Variants in CYP27C1 observed in about 807,000 individuals in gnomAD.
CYP27C1 encodes the protein cytochrome P450 family 27 subfamily C member 1.
CYP27C1 carries 29 observed loss-of-function variants against 40.6 expected under a neutral mutation model. The observed-to-expected ratio is 0.71, with a 90% CI of 0.53 to 0.97. The LOEUF is 0.97. Ranked by LOEUF, CYP27C1 falls within the 50% of genes least tolerant of loss-of-function variation. The probability of loss-of-function intolerance (pLI) is 0.00; values close to 1 mark genes in which losing one functional copy is unlikely to be tolerated. For missense variants in CYP27C1, 390 were observed against 485.8 expected (o/e 0.80, Z 1.85); for synonymous variants, 198 against 186.8 (o/e 1.06, Z -0.49).
chr2:127,204,025 G>A (rs1443664112), intron 2 of CYP27C1, among the ~76,000 whole-genome samples: 3 of 151,846 alleles, frequency 2.0e-5, no homozygotes, highest in Non-Finnish European at 4.4e-5. Flanking sequence ...AGCACTTTAG[G>A]AGGCCAAGAT....
intron 4 of CYP27C1, 133 bp from the exon 5 acceptor site, chr2:127,199,672 T>C: frequency 2.4e-6 from 2 of 841,206 alleles, no homozygotes; most frequent in Non-Finnish European, 3.5e-6. Context: ...ACCCAATTTA[T>C]CTAACGTCAA....
At chr2:127,204,822 C>T (rs796731720) in intron 2 of CYP27C1, among the ~76,000 whole-genome samples, 88 of 152,242 alleles carry the variant, frequency 5.8e-4, no homozygotes, top group African/African-American at 2.0e-3. Context: ...CTCAGAGGGT[C>T]GTGGCAGGAC....
Position 127,204,473 on chromosome 2 carries a change from A to G in CYP27C1, c.474-902T>C, listed in dbSNP as rs907255489. ...GAAAGAAAGAAAGAAAGAAAGAAAGAAAGAAAGAAAGAAAGGAAGGAAGGA... is the reference window on the plus strand; with the variant it reads ...GAAAGAAAGAAAGAAAGAAAGAAAGGAAGAAAGAAAGAAAGGAAGGAAGGA... On this transcript the variant is annotated intron_variant, in intron 2 of 8. Transcript: ENST00000664447. 1.5e-3 allele frequency among the ~76,000 whole-genome samples: 82 copies of G among 56,062 alleles called. 6 individuals are homozygous for G. The highest frequency in any genetic ancestry group is 7.2e-3 in the East Asian group (8 of 1,114). The allele number at this position is 56,062 out of a possible 152,430, so 36.8% of individuals were successfully genotyped here.
intron 3 of CYP27C1, among the ~76,000 whole-genome samples, chr2:127,203,159 C>T (rs1683080977): frequency 6.8e-6 from 1 of 146,680 alleles, no homozygotes; most frequent in Non-Finnish European, 1.5e-5. Context: ...CAGAGCAAGA[C>T]TTCATCTCAG....
In CYP27C1 at chr2:127,210,617, T is replaced by C. The variant is rs554631732; in HGVS notation, c.283-4527A>G. 6.0e-5 allele frequency among the ~76,000 whole-genome samples: 9 copies of C among 151,182 alleles called. 1 individual carries two copies. The South Asian group carries it at 1.0e-3, about 17-fold the overall frequency. ...CAGCGTGCTGTATTCAGGAGGCCTA[T>C]CTTAAAGGCAAAGACACACAGAGGC... On this transcript the variant is annotated intron_variant, in intron 1 of 8. Coordinates refer to ENST00000664447, the MANE Select transcript of CYP27C1 (RefSeq NM_001367502.1).
Position 127,188,409 on chromosome 2 carries a change from T to A in CYP27C1, c.1498-1022A>T, listed in dbSNP as rs191140232. 5.3e-5 allele frequency among the ~76,000 whole-genome samples: 8 copies of A among 152,292 alleles called. 1 individual carries two copies. Among genetic ancestry groups the A allele is most frequent in the African/African-American group, 1.9e-4 (8 of 41,544 alleles). ...CATGCATCACATCTGGCTAACTTTT[T>A]AATTTTTTCATAGAAACAAAGACTC... On this transcript the variant is annotated intron_variant, in intron 8 of 8. Coordinates refer to ENST00000664447, the MANE Select transcript of CYP27C1 (RefSeq NM_001367502.1).
At chr2:127,188,596 G>A (rs1229782568) in intron 8 of CYP27C1, among the ~76,000 whole-genome samples, 1 of 151,988 alleles carries the variant, frequency 6.6e-6, no homozygotes, top group Admixed American at 6.5e-5. Flanking sequence ...ACAATCACTT[G>A]TGCTGGTAAT....
In CYP27C1 at chr2:127,195,245, A is replaced by T; in HGVS notation, c.1214+90T>A. The T allele has an allele frequency of 6.5e-7, 1 of 1,537,314 alleles. No individual in the cohort carries two copies. Among genetic ancestry groups the T allele is most frequent in the Non-Finnish European group, 8.9e-7 (1 of 1,122,868 alleles). On this transcript the variant is annotated intron_variant, in intron 6 of 8. Transcript: ENST00000664447. This position sits in a 1 kb window ranked among gnomAD's most constrained non-coding sequence, Gnocchi z 6.2. ...CGAACATCCTCATCCTGAACAGGTC[A>T]GCCGGGGGGGCATTTGGAGGACTTG...
At chr2:127,214,800 GGT>G (rs1491230998) in intron 1 of CYP27C1, among the ~76,000 whole-genome samples, 5 of 55,046 alleles carry the variant, frequency 9.1e-5, no homozygotes, top group Non-Finnish European at 1.6e-4. Flanking sequence ...TTTTTTTTTT[GGT>G]TTTTTTTTTT....
chr2:127,190,660 T>A (rs1224255466), intron 8 of CYP27C1, among the ~76,000 whole-genome samples: 2 of 147,430 alleles, frequency 1.4e-5, no homozygotes, highest in Non-Finnish European at 3.0e-5. Flanking sequence ...CAATTAAAAA[T>A]CATGGGCCAA....
At chr2:127,214,789 T>G (rs4556928) in intron 1 of CYP27C1, among the ~76,000 whole-genome samples, 147 of 99,072 alleles carry the variant, frequency 1.5e-3, no homozygotes, top group South Asian at 5.7e-3. Context: ...TTTGTTTTTT[T>G]TTTTTTTTTT....
At chr2:127,188,415 T>C (rs1682687314) in intron 8 of CYP27C1, among the ~76,000 whole-genome samples, 1 of 152,182 alleles carries the variant, frequency 6.6e-6, no homozygotes, top group Non-Finnish European at 1.5e-5. Context: ...TTTTTAATTT[T>C]TTCATAGAAA....
Position 127,200,457 on chromosome 2 carries a change from A to G in CYP27C1, c.883+665T>C, listed in dbSNP as rs1012223371. ...TGTAATCTCACCTTGGATTTGAACA[A>G]AAATTGTCACATTCAAATGAATGTG... is the stretch of plus-strand genomic sequence containing the variant. On this transcript the variant is annotated intron_variant, in intron 4 of 8. Transcript: ENST00000664447. This position sits in a 1 kb window ranked among gnomAD's most constrained non-coding sequence, Gnocchi z 4.2. Among the ~76,000 whole-genome samples the G allele has an allele frequency of 5.9e-5, 9 of 152,242 alleles. No individual in the cohort carries two copies. Among genetic ancestry groups the G allele is most frequent in the African/African-American group, 2.2e-4 (9 of 41,468 alleles).
At chr2:127,191,266 C>T (rs1020508787) in intron 8 of CYP27C1, among the ~76,000 whole-genome samples, 2 of 152,080 alleles carry the variant, frequency 1.3e-5, no homozygotes, top group African/African-American at 2.4e-5. Context: ...AAATAAAAAC[C>T]GTGATGCTCC....
At chr2:127,191,522 T>G (rs1454397350) in intron 8 of CYP27C1, among the ~76,000 whole-genome samples, 2 of 152,050 alleles carry the variant, frequency 1.3e-5, no homozygotes, top group Admixed American at 1.3e-4. Flanking sequence ...ACAGCAGCAT[T>G]TTAGGGAGCT....
At chr2:127,204,578 AAAG>A (rs1683173633) in intron 2 of CYP27C1, among the ~76,000 whole-genome samples, 1 of 84,110 alleles carries the variant, frequency 1.2e-5, no homozygotes, top group Non-Finnish European at 2.3e-5. Context: ...AGAAAGAAAG[AAAG>A]AAAGAAAGAA....
rs1267066902 is a variant in CYP27C1, at chr2:127,204,531, AAGAAAGAGAG to A, written c.474-970_474-961del. Among the ~76,000 whole-genome samples the A allele has an allele frequency of 1.9e-3, 86 of 46,156 alleles. 3 individuals are homozygous for A. Among genetic ancestry groups the A allele is most frequent in the Admixed American group, 2.9e-3 (12 of 4,068 alleles). The allele number at this position is 46,156 out of a possible 152,430, so 30.3% of individuals were successfully genotyped here. On this transcript the variant is annotated intron_variant, in intron 2 of 8. Coordinates refer to ENST00000664447, the MANE Select transcript of CYP27C1 (RefSeq NM_001367502.1). ...AAAGAAAGAAGGAAAGAAAGAAAGAAAGAAAGAGAGAGAGAGAGAGAGAGAGAAAGAAAGA... is the reference window on the plus strand; with the variant it reads ...AAAGAAAGAAGGAAAGAAAGAAAGAAAGAGAGAGAGAGAGAGAAAGAAAGA...
chr2:127,204,553 G>GAAAA (rs1424906492), intron 2 of CYP27C1, among the ~76,000 whole-genome samples: 8 of 70,622 alleles, frequency 1.1e-4, no homozygotes, highest in African/African-American at 4.6e-4. Flanking sequence ...GAGAGAGAGA[G>GAAAA]AGAGAAAGAA....
Position 127,187,288 on chromosome 2 carries a change from A to G in CYP27C1, c.1597T>C (p.Phe533Leu), listed in dbSNP as rs1189926059. The G allele has an allele frequency of 1.2e-6, 2 of 1,613,942 alleles. No individual in the cohort carries two copies. The highest frequency in any genetic ancestry group is 1.7e-6 in the Non-Finnish European group (2 of 1,179,998). ...ATCTAGGCTTACTTTCTGTTAACAA[A>G]TCGCACGTGGATGGGCCCCCCTGGC... The part of the protein sequence containing the change: ...LTPGGPIHVR[F>L]VNRK The change falls in exon 9 of 9, where the codon TTT becomes CTT. Residue 533 changes from phenylalanine (F) to leucine (L), a missense_variant. Coordinates refer to ENST00000664447, the MANE Select transcript of CYP27C1 (RefSeq NM_001367502.1).
Sources: allele counts gnomAD v4.1 joint callset (sites outside exome capture counted in the v4.1 genomes callset), GRCh38; gene constraint gnomAD v4.1.1; non-coding constraint Gnocchi (gnomAD v3.1); transcripts MANE v1.5; gene names NCBI Gene and HGNC (gene_info 2026-07-23, HGNC 2026-07-21).